Variants in LDAH observed in about 807,000 individuals in gnomAD.
LDAH encodes lipid droplet associated hydrolase, also known as lipid droplet-associated hydrolase.
LDAH carries 26 observed loss-of-function variants against 29.6 expected under a neutral mutation model. The observed-to-expected ratio is 0.88, with a 90% CI of 0.64 to 1.22. The LOEUF (loss-of-function observed/expected upper bound fraction) is 1.22, where lower values mean the gene tolerates loss of function less well. LDAH is among the 50% of genes most tolerant of loss of function. The pLI is 0.00. For synonymous variants in LDAH, 117 were observed against 133.0 expected (o/e 0.88, Z 0.83); for missense variants, 344 against 387.3 (o/e 0.89, Z 0.94).
At chr2:20,815,291 T>C (rs1314365537) in intron 1 of LDAH, among the ~76,000 whole-genome samples, 5 of 152,056 alleles carry the variant, frequency 3.3e-5, no homozygotes, top group African/African-American at 2.4e-5. Flanking sequence ...CAGGGACTTG[T>C]AGGACAATAA....
intron 5 of LDAH, among the ~76,000 whole-genome samples, chr2:20,737,843 TAA>T (rs1444032208): frequency 6.6e-6 from 1 of 152,202 alleles, no homozygotes; most frequent in African/African-American, 2.4e-5. Flanking sequence ...TCTAGATGTT[TAA>T]AGTTAAGGGA....
chr2:20,801,231 C>T, intron 2 of LDAH, 79 bp downstream of exon 2: 2 of 1,450,986 alleles, frequency 1.4e-6, no homozygotes, highest in Admixed American at 2.2e-5. Flanking sequence ...TCCATATTTA[C>T]CAAATTCTCT....
chr2:20,718,338 G>A (rs1665392785), intron 5 of LDAH, among the ~76,000 whole-genome samples: 1 of 151,746 alleles, frequency 6.6e-6, no homozygotes, highest in Non-Finnish European at 1.5e-5. Context: ...CATGCAAATG[G>A]AACTTTAAAA....
intron 4 of LDAH, among the ~76,000 whole-genome samples, chr2:20,744,263 A>AT (rs1303332095): frequency 1.4e-5 from 2 of 140,284 alleles, no homozygotes; most frequent in Admixed American, 7.2e-5. Flanking sequence ...ATGCCTGGTA[A>AT]TTTTTTCTTG....
chr2:20,743,402 T>C (rs916318154), intron 4 of LDAH, among the ~76,000 whole-genome samples: 12 of 145,810 alleles, frequency 8.2e-5, no homozygotes, highest in African/African-American at 3.1e-4. Flanking sequence ...GCCATGCTGG[T>C]GCGCTGCACC....
intron 3 of LDAH, among the ~76,000 whole-genome samples, chr2:20,783,242 A>G (rs1348474692): frequency 6.6e-6 from 1 of 152,182 alleles, no homozygotes; most frequent in East Asian, 1.9e-4. Flanking sequence ...CCCGGAATGT[A>G]GTCTATCTTG....
At chr2:20,730,477 T>C (rs1666322537) in intron 5 of LDAH, among the ~76,000 whole-genome samples, 1 of 151,198 alleles carries the variant, frequency 6.6e-6, no homozygotes. Flanking sequence ...GCATTTATGG[T>C]TGCTGATTTT....
chr2:20,766,908 A>AG (rs1389993395), intron 4 of LDAH, among the ~76,000 whole-genome samples: 2 of 152,100 alleles, frequency 1.3e-5, no homozygotes, highest in Admixed American at 1.3e-4. Flanking sequence ...GTGCCTCAGG[A>AG]GGGGGCTCTG....
intron 5 of LDAH, among the ~76,000 whole-genome samples, chr2:20,736,287 C>A (rs2149433484): frequency 6.6e-6 from 1 of 152,108 alleles, no homozygotes; most frequent in East Asian, 1.9e-4. Context: ...ACTAAAAATA[C>A]AAAAATTAGC....
chr2:20,747,808 T>C (rs1667681350), intron 4 of LDAH, among the ~76,000 whole-genome samples: 1 of 152,190 alleles, frequency 6.6e-6, no homozygotes. Context: ...TTATGCACTT[T>C]ATATATATTG....
At chr2:20,777,925 T>C (rs934913044) in intron 3 of LDAH, among the ~76,000 whole-genome samples, 5 of 152,286 alleles carry the variant, frequency 3.3e-5, no homozygotes, top group Admixed American at 2.0e-4. Context: ...AATGCTAATA[T>C]GGAAATCATT....
rs1454948230 is a variant in LDAH at position 20,769,967 on chromosome 2, T to C, written c.468+4843A>G. ...GGAGATAGAAAAACTAAAATAGACATACATGAAACATTTTTTTTAAAAAAT... is the reference window on the plus strand; with the variant it reads ...GGAGATAGAAAAACTAAAATAGACACACATGAAACATTTTTTTTAAAAAAT... On this transcript the variant is annotated intron_variant, in intron 4 of 6. Transcript: ENST00000237822. Among the ~76,000 whole-genome samples the C allele has an allele frequency of 3.9e-5, 6 of 152,248 alleles. No individual in the cohort carries two copies. In the East Asian group the frequency reaches 7.7e-4, roughly 20 times the overall value.
intron 5 of LDAH, among the ~76,000 whole-genome samples, chr2:20,723,540 C>G (rs2028143): frequency 6.6e-6 from 1 of 151,928 alleles, no homozygotes. Context: ...AGGGAATGTA[C>G]TCCATCCCAC....
chr2:20,724,896 G>A (rs1274283236), intron 5 of LDAH, among the ~76,000 whole-genome samples: 2 of 152,206 alleles, frequency 1.3e-5, no homozygotes, highest in East Asian at 3.8e-4. Flanking sequence ...GTTTGGCTTT[G>A]CCATTATTGA....
rs775517489 is a variant in LDAH at position 20,701,562 on chromosome 2, G to A, written c.786+8C>T. 45 of 1,612,000 alleles carry A rather than the reference G, an allele frequency of 2.8e-5. No homozygotes were observed. The South Asian group carries it at 4.5e-4, about 16-fold the overall frequency. ...TTATCTATCCCCTTGCAGCACTAAA[G>A]TGATTACCTTACATAAATGCTCCTT... On this transcript the variant is annotated splice_region_variant and intron_variant, in intron 6 of 6. Transcript: ENST00000237822.
At chr2:20,751,357 A>T (rs1256384011) in intron 4 of LDAH, among the ~76,000 whole-genome samples, 1 of 152,182 alleles carries the variant, frequency 6.6e-6, no homozygotes, top group Non-Finnish European at 1.5e-5. Context: ...GTACCCTGTG[A>T]CTGGTTCCAG....
At chr2:20,776,015 GTTTTC>G (rs1181408927) in intron 3 of LDAH, among the ~76,000 whole-genome samples, 1 of 152,096 alleles carries the variant, frequency 6.6e-6, no homozygotes, top group Non-Finnish European at 1.5e-5. Context: ...ACTTGAATAG[GTTTTC>G]CCTATGAACA....
At position 20,720,842 on chromosome 2, in the gene LDAH, C is replaced by A. The variant is rs1048229244; in HGVS notation, c.703+19129G>T. 5.9e-5 allele frequency among the ~76,000 whole-genome samples: 9 copies of A among 152,164 alleles called. No individual in the cohort carries two copies. In the East Asian group the frequency reaches 1.7e-3, roughly 29 times the overall value. ...CAGAAATAAATCAGTATACTTACAG[C>A]CAACTTGTTTTCAACAAAGGCACTA... is the stretch of plus-strand genomic sequence containing the variant. On this transcript the variant is annotated intron_variant, in intron 5 of 6. Coordinates refer to ENST00000237822, the MANE Select transcript of LDAH (RefSeq NM_021925.4).
intron 3 of LDAH, among the ~76,000 whole-genome samples, chr2:20,776,132 T>C (rs1669809273): frequency 6.6e-6 from 1 of 152,220 alleles, no homozygotes; most frequent in Non-Finnish European, 1.5e-5. Flanking sequence ...CTTGCTCTCA[T>C]GACTTGCAAG....
Sources: allele counts gnomAD v4.1 joint callset (sites outside exome capture counted in the v4.1 genomes callset), GRCh38; gene constraint gnomAD v4.1.1; transcripts MANE v1.5; gene names NCBI Gene and HGNC (gene_info 2026-07-23, HGNC 2026-07-21).